NCKAP5: variants seen among roughly 807,000 people sequenced by gnomAD.
NCKAP5 encodes NCK associated protein 5, also known as nck-associated protein 5.
A neutral mutation model predicts 167.0 loss-of-function variants in NCKAP5; 92 were observed. That is an observed-to-expected ratio of 0.55 (90% confidence interval 0.47 to 0.66). The LOEUF is 0.66. NCKAP5 is among the 30% of genes least tolerant of loss of function. The pLI is 0.00. For synonymous variants in NCKAP5, 891 were observed against 877.4 expected (o/e 1.02, Z -0.27); for missense variants, 2,378 against 2,315.0 (o/e 1.03, Z -0.56).
chr2:133,373,438 T>C (rs72989643), intron 3 of NCKAP5, among the ~76,000 whole-genome samples: 6,077 of 152,262 alleles, frequency 0.04, 359 homozygotes, highest in African/African-American at 0.14. Flanking sequence ...AGAGAGATAT[T>C]CCATGTTTAT....
intron 7 of NCKAP5, among the ~76,000 whole-genome samples, chr2:132,966,312 C>T (rs1236066260): frequency 1.3e-5 from 2 of 152,114 alleles, no homozygotes; most frequent in Non-Finnish European, 2.9e-5. Flanking sequence ...GTTAGCCAGG[C>T]TGGTCTCGAA....
At chr2:132,788,852 C>A (rs572036457) in intron 13 of NCKAP5, among the ~76,000 whole-genome samples, 6 of 152,258 alleles carry the variant, frequency 3.9e-5, no homozygotes, top group South Asian at 2.1e-4. Context: ...GAGTACCCAG[C>A]ACAAAGTAAG....
chr2:132,679,078 G>C (rs1209088257), intron 19 of NCKAP5, among the ~76,000 whole-genome samples: 1 of 152,064 alleles, frequency 6.6e-6, no homozygotes, highest in Admixed American at 6.6e-5. Context: ...AAAGAAAAAG[G>C]CTGACGGGAG....
intron 3 of NCKAP5, among the ~76,000 whole-genome samples, chr2:133,357,288 G>GACACACACACACACACACAC (rs10635907): frequency 7.1e-6 from 1 of 140,184 alleles, no homozygotes; most frequent in Non-Finnish European, 1.6e-5. Flanking sequence ...CACATACACA[G>GACACACACACACACACACAC]ACACACACAC....
the NCKAP5 span, among the ~76,000 whole-genome samples, chr2:133,616,197 C>T: frequency 1.3e-5 from 2 of 149,298 alleles, no homozygotes; most frequent in Non-Finnish European, 1.5e-5. Context: ...CAAGAGAAAG[C>T]AGGAAAGATC....
chr2:133,445,290 G>T (rs902728071), intron 3 of NCKAP5, among the ~76,000 whole-genome samples: 1 of 152,016 alleles, frequency 6.6e-6, no homozygotes, highest in Non-Finnish European at 1.5e-5. Context: ...CTGATGCTAG[G>T]TATTGTGGAG....
At chr2:133,126,829 G>A (rs1051786353) in intron 6 of NCKAP5, among the ~76,000 whole-genome samples, 1 of 152,096 alleles carries the variant, frequency 6.6e-6, no homozygotes, top group Admixed American at 6.5e-5. Context: ...AACTTGTTGG[G>A]CTATGTGAAG....
chr2:133,343,550 C>A lies in NCKAP5; in HGVS notation c.70-40440G>T, dbSNP rs893236353. ...CTTCAAAAAATTTTATTTTTTATGT[C>A]TAAAACTGAGATGGGACTATCAAAA... On this transcript the variant is annotated intron_variant, in intron 3 of 19. Coordinates refer to ENST00000409261, the MANE Select transcript of NCKAP5 (RefSeq NM_207363.3). Among the ~76,000 whole-genome samples the A allele has an allele frequency of 2.6e-5, 4 of 152,174 alleles. No homozygotes were observed. In the South Asian group the frequency reaches 6.2e-4, roughly 24 times the overall value.
rs562799022 is a variant in NCKAP5, at chr2:132,672,803, T to C, written c.*486A>G. 3.9e-6 allele frequency: 1 copy of C among 256,080 alleles called. No individual in the cohort carries two copies. The highest frequency in any genetic ancestry group is 1.8e-4 in the East Asian group (1 of 5,578). 15.9% of individuals were successfully genotyped at this position (256,080 alleles called of 1,614,324 possible). A position where few individuals can be genotyped will look rare whatever the true frequency, so the allele number is the denominator to read the frequency against. ...AAAATTAAGGATTCTGTATCATAGA[T>C]GTGTTTACGCTTAATCCTCTTGAAA... On this transcript the variant is annotated 3_prime_UTR_variant, in exon 20 of 20. Transcript: ENST00000409261.
At chr2:133,107,910 C>T (rs1254893828) in intron 6 of NCKAP5, among the ~76,000 whole-genome samples, 1 of 152,146 alleles carries the variant, frequency 6.6e-6, no homozygotes, top group Non-Finnish European at 1.5e-5. Context: ...TAAGATTTAA[C>T]CACTCTTGTC....
At chr2:133,289,438 T>C (rs1679402145) in intron 4 of NCKAP5, among the ~76,000 whole-genome samples, 1 of 151,904 alleles carries the variant, frequency 6.6e-6, no homozygotes, top group Admixed American at 6.6e-5. Context: ...TGTTATCATA[T>C]TGCCATAAAA....
At chr2:133,474,695 A>T (rs1471161090) in intron 3 of NCKAP5, among the ~76,000 whole-genome samples, 1 of 152,208 alleles carries the variant, frequency 6.6e-6, no homozygotes, top group Non-Finnish European at 1.5e-5. Flanking sequence ...ATAAACAAAT[A>T]ATGAATAATA....
chr2:132,993,979 A>G (rs2077518659), intron 7 of NCKAP5, among the ~76,000 whole-genome samples, 173 bp downstream of exon 7: 1 of 152,232 alleles, frequency 6.6e-6, no homozygotes, highest in Non-Finnish European at 1.5e-5. Flanking sequence ...TATGAAATGA[A>G]TGAATTGAAT....
intron 11 of NCKAP5, among the ~76,000 whole-genome samples, chr2:132,858,980 CT>C (rs1689677855): frequency 6.6e-6 from 1 of 152,124 alleles, no homozygotes; most frequent in African/African-American, 2.4e-5. Context: ...CATGCAACAG[CT>C]TTTAAAAGTA....
chr2:133,449,877 G>A (rs1691436703), intron 3 of NCKAP5, among the ~76,000 whole-genome samples: 2 of 150,966 alleles, frequency 1.3e-5, no homozygotes, highest in African/African-American at 4.9e-5. Context: ...ATAAGAACTC[G>A]GTTGCATAGC....
rs183893233 is a variant in NCKAP5 at position 133,499,849 on chromosome 2, C to T, written c.69+17609G>A. Among the ~76,000 whole-genome samples the T allele has an allele frequency of 1.5e-3, 235 of 152,292 alleles. 1 individual carries two copies. The highest frequency in any genetic ancestry group is 5.4e-3 in the African/African-American group (226 of 41,562). ...CTGGGATTACAGGCGTGAGCCACCG[C>T]GCCTGGCCCCAGTGTTCTCATTTTG... On this transcript the variant is annotated intron_variant, in intron 3 of 19. Coordinates refer to ENST00000409261, the MANE Select transcript of NCKAP5 (RefSeq NM_207363.3).
chr2:133,117,270 A>C (rs1178808838), intron 6 of NCKAP5: 1 of 152,260 alleles, frequency 6.6e-6, no homozygotes, highest in Non-Finnish European at 1.5e-5. Context: ...GTTAATAAAA[A>C]ATAAATGAGA....
At chr2:133,279,202 G>T (rs2089850411) in intron 4 of NCKAP5, among the ~76,000 whole-genome samples, 1 of 152,134 alleles carries the variant, frequency 6.6e-6, no homozygotes, top group Non-Finnish European at 1.5e-5. Flanking sequence ...AAGTGCATAG[G>T]CACTTTGTTT....
intron 3 of NCKAP5, among the ~76,000 whole-genome samples, chr2:133,332,889 T>C (rs1682958471): frequency 6.6e-6 from 1 of 152,238 alleles, no homozygotes; most frequent in South Asian, 2.1e-4. Flanking sequence ...ACACCAGAGC[T>C]GTGGACTAAG....
Sources: gnomAD v4.1 joint callset for allele counts (sites outside exome capture counted in the v4.1 genomes callset) on GRCh38, gnomAD v4.1.1 for gene constraint, MANE v1.5 for transcripts, NCBI Gene and HGNC (gene_info 2026-07-23, HGNC 2026-07-21) for gene names.